TRIM24: variants seen among roughly 807,000 people sequenced by gnomAD.
The protein encoded by TRIM24 is tripartite motif containing 24, also known as transcription intermediary factor 1-alpha.
TRIM24 carries 29 observed loss-of-function variants against 123.9 expected under a neutral mutation model. The ratio of observed to expected loss-of-function variants is 0.23; its 90% CI spans 0.17 to 0.32. TRIM24 has a LOEUF of 0.32. Among genes scored for constraint, TRIM24 ranks in the 10% least tolerant of loss-of-function variants. TRIM24 has a pLI of 1.00. For synonymous variants in TRIM24, 456 were observed against 461.1 expected, an observed-to-expected ratio of 0.99 and a Z score of 0.14; for missense variants, 932 against 1,295.3, an observed-to-expected ratio of 0.72 and a Z score of 4.31.
chr7:138,478,011 G>A (rs1447375394), intron 1 of TRIM24, among the ~76,000 whole-genome samples: 1 of 152,134 alleles, frequency 6.6e-6, no homozygotes, highest in South Asian at 2.1e-4. Flanking sequence ...TTGATAATTC[G>A]AGAATGAAAT....
chr7:138,575,590 C>A (rs976922011), intron 12 of TRIM24, among the ~76,000 whole-genome samples: 1 of 150,758 alleles, frequency 6.6e-6, no homozygotes, highest in Admixed American at 6.7e-5. Context: ...TCCTGTTGTT[C>A]ATCAAACCTT....
chr7:138,472,903 C>T (rs1477803371), intron 1 of TRIM24, among the ~76,000 whole-genome samples: 1 of 152,114 alleles, frequency 6.6e-6, no homozygotes, highest in African/African-American at 2.4e-5. Flanking sequence ...AACAGGGTCT[C>T]ACTTTGTTAG....
intron 1 of TRIM24, among the ~76,000 whole-genome samples, chr7:138,483,052 G>A (rs1178059426): frequency 2.0e-5 from 3 of 152,010 alleles, no homozygotes; most frequent in African/African-American, 4.8e-5. Context: ...CGAGTAGCTG[G>A]GACTACAGGC....
intron 6 of TRIM24, among the ~76,000 whole-genome samples, chr7:138,533,013 T>G (rs1796781646): frequency 6.6e-6 from 1 of 152,108 alleles, no homozygotes. Context: ...GGCTCTCTGT[T>G]TGTCTGTTAT....
At chr7:138,560,705 A>G (rs1797409250) in intron 9 of TRIM24, among the ~76,000 whole-genome samples, 1 of 152,214 alleles carries the variant, frequency 6.6e-6, no homozygotes, top group Non-Finnish European at 1.5e-5. Context: ...TTTGGGGGTC[A>G]CTATTTCAGG....
intron 10 of TRIM24, among the ~76,000 whole-genome samples, chr7:138,569,983 T>C (rs1483768585): frequency 6.6e-6 from 1 of 151,098 alleles, no homozygotes; most frequent in Admixed American, 6.6e-5. Flanking sequence ...TCTCTCTCTC[T>C]GTAGCCCAGG....
In TRIM24 at chr7:138,464,557, ATTTAT is replaced by A. The variant is rs200744755; in HGVS notation, c.364+3648_364+3652del. ...CAGGGCAAGTATTGAAGGATCTTTT[ATTTAT>A]TTAATGCAAATTCTGAATCTGGATT... is the stretch of plus-strand genomic sequence containing the variant. On this transcript the variant is annotated intron_variant, in intron 1 of 18. Transcript: ENST00000343526. 1.7e-3 allele frequency among the ~76,000 whole-genome samples: 259 copies of A among 152,096 alleles called. 4 individuals carry two copies. The East Asian group carries it at 0.034, about 20-fold the overall frequency.
At chr7:138,478,209 A>G (rs960407881) in intron 1 of TRIM24, among the ~76,000 whole-genome samples, 2 of 152,138 alleles carry the variant, frequency 1.3e-5, no homozygotes, top group African/African-American at 4.8e-5. Context: ...TCTTACCTAC[A>G]TTTTCCACTG....
intron 1 of TRIM24, chr7:138,461,185 G>A (rs1186709304): frequency 1.4e-6 from 1 of 693,292 alleles, no homozygotes; most frequent in Non-Finnish European, 2.7e-6. Context: ...GGCGGCCCCT[G>A]CCACTCGCAC....
At chr7:138,501,424 T>C (rs1024369726) in intron 1 of TRIM24, among the ~76,000 whole-genome samples, 14 of 150,972 alleles carry the variant, frequency 9.3e-5, no homozygotes, top group Admixed American at 6.6e-5. Flanking sequence ...AGAGACGGGG[T>C]TTCCCCATAT....
chr7:138,499,315 T>TTAGCCCAC (rs1795979902), intron 1 of TRIM24, among the ~76,000 whole-genome samples: 1 of 152,214 alleles, frequency 6.6e-6, no homozygotes, highest in Non-Finnish European at 1.5e-5. Flanking sequence ...GGTTACCATT[T>TTAGCCCAC]TAGCCCACTA....
intron 1 of TRIM24, among the ~76,000 whole-genome samples, chr7:138,463,516 G>A (rs749631634): frequency 2.6e-5 from 4 of 152,204 alleles, no homozygotes; most frequent in Non-Finnish European, 5.9e-5. Flanking sequence ...ACAGGTGTGA[G>A]CCACCCCACC....
chr7:138,464,238 C>T (rs1273900243), intron 1 of TRIM24, among the ~76,000 whole-genome samples: 6 of 151,690 alleles, frequency 4.0e-5, no homozygotes, highest in South Asian at 2.1e-4. Flanking sequence ...CCTTGTGATC[C>T]GCCTGCCTTG....
intron 1 of TRIM24, among the ~76,000 whole-genome samples, chr7:138,463,794 T>C (rs964243549): frequency 1.6e-4 from 25 of 152,100 alleles, no homozygotes; most frequent in Admixed American, 2.0e-4. Flanking sequence ...AGAAAGCGTT[T>C]AAATTGGAAG....
At chr7:138,565,158 C>T (rs554210635) in intron 9 of TRIM24, among the ~76,000 whole-genome samples, 14 of 152,216 alleles carry the variant, frequency 9.2e-5, no homozygotes, top group South Asian at 2.1e-4. Flanking sequence ...CTCCTGGAAC[C>T]GCCTCTTTCA....
chr7:138,463,988 A>ATTTTTTTTTTTTTTTTTTTTTTT (rs1359459460), intron 1 of TRIM24, among the ~76,000 whole-genome samples: 1 of 32,112 alleles, frequency 3.1e-5, no homozygotes, highest in Admixed American at 3.5e-4. Flanking sequence ...AAAAATTTAG[A>ATTTTTTTTTTTTTTTTTTTTTTT]CTTTTTTTTT....
intron 1 of TRIM24, among the ~76,000 whole-genome samples, chr7:138,503,285 A>G (rs1466811437): frequency 6.6e-6 from 1 of 152,198 alleles, no homozygotes; most frequent in East Asian, 1.9e-4. Flanking sequence ...CTTTGAATCT[A>G]TAGATATGTT....
At chr7:138,575,208 G>T (rs1327194539) in intron 12 of TRIM24, among the ~76,000 whole-genome samples, 1 of 152,136 alleles carries the variant, frequency 6.6e-6, no homozygotes, top group Non-Finnish European at 1.5e-5. Flanking sequence ...GGATGGAGAA[G>T]TTATGGGCTA....
At chr7:138,471,471 AT>A (rs1450981630) in intron 1 of TRIM24, among the ~76,000 whole-genome samples, 4 of 151,474 alleles carry the variant, frequency 2.6e-5, no homozygotes, top group African/African-American at 7.3e-5. Context: ...CTTTCTTCTG[AT>A]TTTTTTTCTA....
Sources: gnomAD v4.1 joint callset for allele counts (sites outside exome capture counted in the v4.1 genomes callset) on GRCh38, gnomAD v4.1.1 for gene constraint, MANE v1.5 for transcripts, NCBI Gene and HGNC (gene_info 2026-07-23, HGNC 2026-07-21) for gene names.